Variants in MVD observed in about 807,000 individuals in gnomAD.
The protein encoded by MVD is mevalonate diphosphate decarboxylase.
A neutral mutation model predicts 42.4 loss-of-function variants in MVD; 52 were observed. The ratio of observed to expected loss-of-function variants is 1.23; its 90% CI spans 0.98 to 1.55. MVD has a LOEUF of 1.55. MVD is among the 40% of genes most tolerant of loss of function. The pLI is 0.00. For synonymous variants in MVD, 287 were observed against 243.2 expected (o/e 1.18, Z -1.68); for missense variants, 663 against 572.1 (o/e 1.16, Z -1.62).
intron 1 of MVD, chr16:88,661,985 A>G (rs1908330606): frequency 6.6e-6 from 1 of 150,798 alleles, no homozygotes. Flanking sequence ...TATACATAGA[A>G]AGAGAGAGAG....
chr16:88,661,081 A>ATT lies in MVD; in HGVS notation c.70+1928_70+1929dup, dbSNP rs58831082. Among the ~76,000 whole-genome samples the ATT allele has an allele frequency of 8.9e-5, 13 of 145,486 alleles. 1 individual carries two copies. The highest frequency in any genetic ancestry group is 2.5e-4 in the African/African-American group (10 of 39,848). Reference sequence around the variant, plus strand: ...AGACCCACACAAACATGCCCAGCTGATTTTTTTTTTTACAAAAGTGCAAAA... The same window carrying ATT: ...AGACCCACACAAACATGCCCAGCTGATTTTTTTTTTTTTACAAAAGTGCAAAA... On this transcript the variant is annotated intron_variant, in intron 1 of 9. Coordinates refer to ENST00000301012, the MANE Select transcript of MVD (RefSeq NM_002461.3).
At chr16:88,659,872 C>A (rs7190662) in intron 1 of MVD, among the ~76,000 whole-genome samples, 15,073 of 151,396 alleles carry the variant, frequency 0.1, 981 homozygotes, top group Non-Finnish European at 0.14. Context: ...GAGGCTGAGG[C>A]GGGAAAATCG....
chr16:88,658,072 G>A (rs1371116299), intron 2 of MVD, 43 bp from the exon 3 acceptor site: 1 of 1,578,084 alleles, frequency 6.3e-7, no homozygotes, highest in Admixed American at 1.7e-5. Flanking sequence ...CAGCATTGAG[G>A]ACCGATGCCA....
Position 88,658,000 on chromosome 16 carries a change from G to A in MVD, c.171C>T (p.Ser57=). The change falls in exon 3 of 10, where the codon AGC becomes AGT. Residue 57 remains serine (S), a synonymous_variant. Coordinates refer to ENST00000301012, the MANE Select transcript of MVD (RefSeq NM_002461.3). ...AAATCCGGTCCTCGGTGAAGTCCTT[G>A]CTGATGACGGCTGTTGTGGTGGTTT... is the stretch of plus-strand genomic sequence containing the variant. ...QLKTTTTAVI[S]KDFTEDRIWL... is the part of the protein sequence containing the mutation. 6.2e-7 allele frequency: 1 copy of A among 1,614,094 alleles called. No homozygotes were observed. Among genetic ancestry groups the A allele is most frequent in the Non-Finnish European group, 8.5e-7 (1 of 1,180,044 alleles).
In MVD at chr16:88,652,285, C is replaced by T; in HGVS notation, c.*240G>A. ...CTCTGCCAGTTCTCATACCCCCTCC[C>T]CATCCCATCTTGGCAAAGCGCTGGT... On this transcript the variant is annotated 3_prime_UTR_variant, in exon 10 of 10. Transcript: ENST00000301012. The T allele has an allele frequency of 1.7e-6, 1 of 598,470 alleles. No homozygotes were observed. The highest frequency in any genetic ancestry group is 4.5e-4 in the Middle Eastern group (1 of 2,240). The allele number at this position is 598,470 out of a possible 1,614,324, so 37.1% of individuals were successfully genotyped here. A position where few individuals can be genotyped will look rare whatever the true frequency, so the allele number is the denominator to read the frequency against.
chr16:88,661,412 G>A (rs575779720), intron 1 of MVD, among the ~76,000 whole-genome samples: 4 of 151,888 alleles, frequency 2.6e-5, no homozygotes, highest in East Asian at 1.9e-4. Context: ...CAGTAGAGAC[G>A]GGGGTTTCAC....
chr16:88,654,689 C>T lies in MVD; in HGVS notation c.1013+3G>A, dbSNP rs1421173400. On this transcript the variant is annotated splice_donor_region_variant and intron_variant, in intron 8 of 9. Coordinates refer to ENST00000301012, the MANE Select transcript of MVD (RefSeq NM_002461.3). ...AAGGAGGAGGGGCGGGGTCCACACT[C>T]ACGTGTCTCCATTCGAGCCTGGGGG... 6.3e-7 allele frequency: 1 copy of T among 1,595,630 alleles called. No homozygotes were observed. The highest frequency in any genetic ancestry group is 1.4e-5 in the African/African-American group (1 of 73,530).
At chr16:88,655,013 C>A (rs992728674) in intron 7 of MVD, 186 bp downstream of exon 7, 4 of 907,378 alleles carry the variant, frequency 4.4e-6, no homozygotes, top group Middle Eastern at 3.3e-4. Context: ...GGCCGTGACC[C>A]GGGCAAGTCA....
chr16:88,657,141 C>G (rs1203715536), intron 4 of MVD: 1 of 583,112 alleles, frequency 1.7e-6, no homozygotes, highest in Non-Finnish European at 3.2e-6. Context: ...GGGGGGGGGT[C>G]TCACTATGTT....
In MVD at chr16:88,652,569, C is replaced by T. The variant is rs769065449; in HGVS notation, c.1159G>A (p.Ala387Thr). The change falls in exon 10 of 10, where the codon GCC (alanine) becomes ACC (threonine). Residue 387 changes from alanine to threonine, a missense_variant. Physicochemically the swap from Ala to Thr is moderately conservative, Grantham distance 58 (BLOSUM62 0). Coordinates refer to ENST00000301012, the MANE Select transcript of MVD (RefSeq NM_002461.3). ...AGGCCGTCAGGACCCAGGAGGTGGG[C>T]GCAGGGGTCATCCAGGATTTGAGGC... ...PGPQILDDPC[A>T]HLLGPDGLPK... 22 of 1,570,698 alleles carry T rather than the reference C, an allele frequency of 1.4e-5. No homozygotes were observed. The highest frequency in any genetic ancestry group is 1.7e-4 in the Middle Eastern group (1 of 6,042).
chr16:88,659,641 CAGGACCAGG>C (rs1908164309), intron 1 of MVD, among the ~76,000 whole-genome samples: 1 of 152,160 alleles, frequency 6.6e-6, no homozygotes, highest in Non-Finnish European at 1.5e-5. Flanking sequence ...CCCTCCCTAG[CAGGACCAGG>C]AAGGGCAGCC....
intron 1 of MVD, among the ~76,000 whole-genome samples, chr16:88,661,513 C>T (rs1051100396): frequency 5.3e-5 from 8 of 151,972 alleles, no homozygotes; most frequent in Admixed American, 3.9e-4. Flanking sequence ...CTTGAGCCAG[C>T]GTGCCCAGCC....
chr16:88,655,967 C>T (rs1351514160), intron 5 of MVD, 138 bp downstream of exon 5: 1 of 1,273,674 alleles, frequency 7.9e-7, no homozygotes, highest in East Asian at 2.5e-5. Flanking sequence ...CTCAACCACG[C>T]TTCTGTTCCT....
Position 88,655,336 on chromosome 16 carries a change from G to A in MVD, c.760C>T (p.Gln254Ter). ...IRERDFPSFA[Q>*]LTMKDSNQFH... ...TGGTTGCTGTCCTTCATGGTCAGCT[G>A]GGCGAAGCTGGGGAAGTCTCGCTCC... Residue 254 changes from glutamine to a stop codon, truncating the protein, a stop_gained, in exon 7 of 10, where the codon CAG (glutamine) becomes TAG (stop). Transcript: ENST00000301012. LOFTEE classifies it high-confidence loss of function. The A allele has an allele frequency of 1.9e-6, 3 of 1,602,008 alleles. No individual in the cohort carries two copies. Among genetic ancestry groups the A allele is most frequent in the Non-Finnish European group, 2.6e-6 (3 of 1,174,674 alleles).
At chr16:88,652,931 C>T (rs1319405830) in intron 9 of MVD, among the ~76,000 whole-genome samples, 1 of 152,134 alleles carries the variant, frequency 6.6e-6, no homozygotes, top group African/African-American at 2.4e-5. Flanking sequence ...AAGCTTGGCC[C>T]TCGGAGCAGG....
chr16:88,656,945 G>C (rs1353390492), intron 4 of MVD: 5 of 328,514 alleles, frequency 1.5e-5, no homozygotes, highest in Non-Finnish European at 2.4e-5. Flanking sequence ...AAGTGGCCTG[G>C]GGCCAGCAGA....
intron 9 of MVD, among the ~76,000 whole-genome samples, 161 bp from the exon 10 acceptor site, chr16:88,652,766 C>T (rs951238308): frequency 1.3e-5 from 2 of 152,222 alleles, no homozygotes; most frequent in Non-Finnish European, 1.5e-5. Context: ...CCACACGCAG[C>T]TCCTGCAGGC....
Position 88,655,303 on chromosome 16 carries a change from C to A in MVD, c.793G>T (p.Ala265Ser). ...GGCGGGAAGGTGTCGAGGCAGGTGG[C>A]GTGGAACTGGTTGCTGTCCTTCATG... The part of the protein sequence containing the change: ...LTMKDSNQFH[A>S]TCLDTFPPIS... Residue 265 changes from alanine to serine, a missense_variant, in exon 7 of 10, where the codon GCC (alanine) becomes TCC (serine). Transcript: ENST00000301012. The A allele has an allele frequency of 6.3e-7, 1 of 1,595,418 alleles. No individual in the cohort carries two copies. The highest frequency in any genetic ancestry group is 8.5e-7 in the Non-Finnish European group (1 of 1,171,340).
At chr16:88,654,873 G>A in intron 7 of MVD, 66 bp from the exon 8 acceptor site, 1 of 1,450,050 alleles carries the variant, frequency 6.9e-7, no homozygotes, top group Non-Finnish European at 9.2e-7. Flanking sequence ...CCAACCCTCT[G>A]GTCTGCCAGG....
Sources: allele counts gnomAD v4.1 joint callset (sites outside exome capture counted in the v4.1 genomes callset), GRCh38; gene constraint gnomAD v4.1.1; transcripts MANE v1.5; gene names NCBI Gene and HGNC (gene_info 2026-07-23, HGNC 2026-07-21).